The following DRAM1 variants were observed in gnomAD, a reference collection of about 807,000 sequenced individuals.
DRAM1 encodes the protein DNA damage-regulated autophagy modulator protein 1.
DRAM1 carries 25 observed loss-of-function variants against 28.5 expected under a neutral mutation model. That is an observed-to-expected ratio of 0.88 (90% CI 0.64 to 1.23). The LOEUF (loss-of-function observed/expected upper bound fraction) is 1.23. DRAM1 is among the 50% of genes most tolerant of loss of function. The probability of loss-of-function intolerance (pLI) is 0.00; values close to 1 mark genes in which losing one functional copy is unlikely to be tolerated. For synonymous variants in DRAM1, 113 were observed against 114.2 expected (o/e 0.99, Z 0.07); for missense variants, 249 against 299.2 (o/e 0.83, Z 1.24).
At chr12:101,889,256 A>G (rs1271789942) in intron 1 of DRAM1, among the ~76,000 whole-genome samples, 2 of 152,232 alleles carry the variant, frequency 1.3e-5, no homozygotes, top group Non-Finnish European at 2.9e-5. Context: ...ATTGAAATGT[A>G]CAACATGTAA....
intron 1 of DRAM1, among the ~76,000 whole-genome samples, chr12:101,891,221 G>A (rs558377288): frequency 1.3e-5 from 2 of 152,018 alleles, no homozygotes; most frequent in South Asian, 4.2e-4. Flanking sequence ...CTTTATACTG[G>A]GGAATTATGT....
At chr12:101,912,731 A>ATT (rs10530801) in intron 4 of DRAM1, among the ~76,000 whole-genome samples, 12 of 128,618 alleles carry the variant, frequency 9.3e-5, no homozygotes, top group South Asian at 2.5e-4. Flanking sequence ...TTGGCTCAAC[A>ATT]TTTTTTTTTT....
Position 101,877,975 on chromosome 12 carries a change from A to G in DRAM1, c.131+55A>G. 1 of 1,386,840 alleles carries G rather than the reference A, an allele frequency of 7.2e-7. No homozygotes were observed. The highest frequency in any genetic ancestry group is 1.5e-5 in the South Asian group (1 of 64,964). The allele number at this position is 1,386,840 out of a possible 1,614,324, so 85.9% of individuals were successfully genotyped here. A position where few individuals can be genotyped will look rare whatever the true frequency, so the allele number is the denominator to read the frequency against. On this transcript the variant is annotated intron_variant, in intron 1 of 6. Coordinates refer to ENST00000258534, the MANE Select transcript of DRAM1 (RefSeq NM_018370.3). This position sits in a 1 kb window ranked among gnomAD's most constrained non-coding sequence, Gnocchi z 4.1. ...AGGAGCAGGCACAGGGACCACAGGG[A>G]GCGCTGCCGACGGGGAGGGAAGGCG... is the stretch of plus-strand genomic sequence containing the variant.
chr12:101,877,949 C>T lies in DRAM1; in HGVS notation c.131+29C>T. 7 of 1,486,248 alleles carry T rather than the reference C, an allele frequency of 4.7e-6. No homozygotes were observed. Among genetic ancestry groups the T allele is most frequent in the Non-Finnish European group, 5.4e-6 (6 of 1,110,030 alleles). 92.1% of individuals were successfully genotyped at this position (1,486,248 alleles called of 1,614,324 possible). On this transcript the variant is annotated intron_variant, in intron 1 of 6. Transcript: ENST00000258534. This position sits in a 1 kb window ranked among gnomAD's most constrained non-coding sequence, Gnocchi z 4.1. ...AGTGGCAGGGTGGGCGTCAGGGCCCCAGGAGCAGGCACAGGGACCACAGGG... is the reference window on the plus strand; with the variant it reads ...AGTGGCAGGGTGGGCGTCAGGGCCCTAGGAGCAGGCACAGGGACCACAGGG...
rs924277323 is a variant in DRAM1, at chr12:101,877,706, C to A, written c.-84C>A. On this transcript the variant is annotated 5_prime_UTR_variant, in exon 1 of 7. Coordinates refer to ENST00000258534, the MANE Select transcript of DRAM1 (RefSeq NM_018370.3). The surrounding 1 kb of genome is among the most constrained non-coding windows in gnomAD (Gnocchi z 4.1). ...CCCACCGTCCGTGAGTGTACGCGCCCGGCCGCCGCCTCCAGGCAGCCCGGA... is the reference window on the plus strand; with the variant it reads ...CCCACCGTCCGTGAGTGTACGCGCCAGGCCGCCGCCTCCAGGCAGCCCGGA... 1 of 1,148,288 alleles carries A rather than the reference C, an allele frequency of 8.7e-7. No individual in the cohort carries two copies. The highest frequency in any genetic ancestry group is 3.2e-5 in the South Asian group (1 of 30,780). 71.1% of individuals were successfully genotyped at this position (1,148,288 alleles called of 1,614,324 possible).
At chr12:101,901,190 T>G in intron 2 of DRAM1, 101 bp from the exon 3 acceptor site, 1 of 1,344,412 alleles carries the variant, frequency 7.4e-7, no homozygotes, top group East Asian at 2.5e-5. Context: ...TGGGGAGACT[T>G]GCAATCAGTA....
chr12:101,905,775 TTATTTATTTATG>T (rs1434012892), intron 3 of DRAM1, among the ~76,000 whole-genome samples: 37 of 150,446 alleles, frequency 2.5e-4, no homozygotes, highest in East Asian at 5.8e-4. Flanking sequence ...ATTTATTTAT[TTATTTATTTATG>T]TATTTATTTA....
chr12:101,907,363 T>C (rs1166466158), intron 3 of DRAM1, among the ~76,000 whole-genome samples: 1 of 151,826 alleles, frequency 6.6e-6, no homozygotes, highest in African/African-American at 2.4e-5. Flanking sequence ...GGCACCATCA[T>C]GGAACGAGTC....
rs1486757028 is a variant in DRAM1 at position 101,908,288 on chromosome 12, C to T, written c.445C>T (p.Pro149Ser). 1 of 1,614,124 alleles carries T rather than the reference C, an allele frequency of 6.2e-7. No individual in the cohort carries two copies. Among genetic ancestry groups the T allele is most frequent in the Non-Finnish European group, 8.5e-7 (1 of 1,180,008 alleles). ...GTCCATCATCTCTTACAAATCATGT[C>T]CCCAGTGGAACAGTCTCTCGACATG... ...LQSIISYKSC[P>S]QWNSLSTCHI... The change falls in exon 4 of 7, where the codon CCC becomes TCC. Residue 149 changes from proline (P) to serine (S), a missense_variant. By Grantham distance (74) the Pro-to-Ser change is moderately conservative. Around this residue, in one of 3 missense-constraint regions of DRAM1, gnomAD observed 218 missense variants for 243.1 expected, o/e 0.90. Transcript: ENST00000258534.
At chr12:101,898,059 C>CTCAGAA in intron 2 of DRAM1, 129 bp downstream of exon 2, 1 of 554,956 alleles carries the variant, frequency 1.8e-6, no homozygotes, top group Non-Finnish European at 2.9e-6. Flanking sequence ...GGGTCTCTGT[C>CTCAGAA]ATCCAGGCTG....
Position 101,894,471 on chromosome 12 carries a change from C to T in DRAM1, c.132-3392C>T, listed in dbSNP as rs113023090. On this transcript the variant is annotated intron_variant, in intron 1 of 6. Coordinates refer to ENST00000258534, the MANE Select transcript of DRAM1 (RefSeq NM_018370.3). The stretch of plus-strand genomic sequence containing the variant: ...TTCACCATGTTGCCCAGACTGGTTT[C>T]GAACTCCTGAGCTCAAGTGATCCAT... Among the ~76,000 whole-genome samples the T allele has an allele frequency of 2.0e-3, 297 of 152,156 alleles. 1 individual carries two copies. The highest frequency in any genetic ancestry group is 6.3e-3 in the African/African-American group (262 of 41,530).
chr12:101,885,046 A>G (rs1872835688), intron 1 of DRAM1, among the ~76,000 whole-genome samples: 1 of 148,270 alleles, frequency 6.7e-6, no homozygotes, highest in African/African-American at 2.5e-5. Flanking sequence ...CGATTCTCCC[A>G]CCTCATCCTC....
intron 4 of DRAM1, among the ~76,000 whole-genome samples, chr12:101,909,588 TA>T (rs1418429102): frequency 6.6e-6 from 1 of 152,194 alleles, no homozygotes; most frequent in East Asian, 1.9e-4. Context: ...AAGAAATTTC[TA>T]AAAAGCTCTA....
intron 3 of DRAM1, among the ~76,000 whole-genome samples, chr12:101,906,631 A>G (rs1873819759): frequency 6.6e-6 from 1 of 151,978 alleles, no homozygotes; most frequent in Non-Finnish European, 1.5e-5. Flanking sequence ...AGGTGGGTGG[A>G]TCACCTGAGG....
intron 1 of DRAM1, 99 bp from the exon 2 acceptor site, chr12:101,897,764 C>G (rs1873440680): frequency 1.2e-6 from 1 of 835,184 alleles, no homozygotes; most frequent in South Asian, 1.6e-5. Flanking sequence ...GGCTGAACAC[C>G]TAAAAGAAAC....
chr12:101,895,568 T>TTTTGGTTG (rs1310398062), intron 1 of DRAM1, among the ~76,000 whole-genome samples: 19 of 111,938 alleles, frequency 1.7e-4, no homozygotes, highest in African/African-American at 6.4e-4. Context: ...GGGAGGCTAT[T>TTTTGGTTG]TTTTTTTTTT....
At chr12:101,902,748 C>T (rs1160367792) in intron 3 of DRAM1, among the ~76,000 whole-genome samples, 1 of 152,228 alleles carries the variant, frequency 6.6e-6, no homozygotes, top group East Asian at 1.9e-4. Context: ...AGAATCTTAA[C>T]TTCCCAAGGA....
chr12:101,909,054 G>C (rs181133691), intron 4 of DRAM1, among the ~76,000 whole-genome samples: 144 of 152,134 alleles, frequency 9.5e-4, no homozygotes, highest in African/African-American at 3.4e-3. Context: ...CTGAGGTTGA[G>C]AGTTCAAGAC....
At chr12:101,904,983 C>T (rs7300643) in intron 3 of DRAM1, among the ~76,000 whole-genome samples, 41,471 of 152,030 alleles carry the variant, frequency 0.27, 6,197 homozygotes, top group East Asian at 0.39. Flanking sequence ...TAACCTTGAA[C>T]GCTTAGACTA....
Sources: gnomAD v4.1 joint callset for allele counts (sites outside exome capture counted in the v4.1 genomes callset) on GRCh38, gnomAD v4.1.1 for gene constraint, gnomAD v4.1.1 regional missense constraint, Gnocchi (gnomAD v3.1) non-coding constraint, MANE v1.5 for transcripts, NCBI Gene and HGNC (gene_info 2026-07-23, HGNC 2026-07-21) for gene names.